The following KCNRG variants were observed in gnomAD, a reference collection of about 807,000 sequenced individuals.
KCNRG encodes the protein potassium channel regulatory protein.
In KCNRG, 17 loss-of-function variants were observed where a neutral mutation model predicts 17.7. The ratio of observed to expected loss-of-function variants is 0.96; its 90% CI spans 0.66 to 1.44. KCNRG has a LOEUF of 1.44. Ranked by LOEUF, KCNRG falls within the 40% of genes most tolerant of loss-of-function variation. The pLI, the probability that KCNRG is intolerant of heterozygous loss-of-function variation, is 0.00. For missense variants in KCNRG, 311 were observed against 321.1 expected, an observed-to-expected ratio of 0.97 and a Z score of 0.24; for synonymous variants, 97 against 116.5, an observed-to-expected ratio of 0.83 and a Z score of 1.08.
chr13:50,016,202 G>C, intron 1 of KCNRG, 131 bp downstream of exon 1: 1 of 673,376 alleles, frequency 1.5e-6, no homozygotes, highest in Non-Finnish European at 2.5e-6. Flanking sequence ...GTAACCAGTG[G>C]AGTTGGGTAG....
At chr13:50,018,337 T>C (rs975160657) in intron 1 of KCNRG, 6 of 166,680 alleles carry the variant, frequency 3.6e-5, no homozygotes, top group Non-Finnish European at 7.3e-5. Context: ...AGATGTTCTG[T>C]AACATTTTTC....
chr13:50,017,878 C>T (rs1250580914), intron 1 of KCNRG: 2 of 167,002 alleles, frequency 1.2e-5, no homozygotes, highest in Non-Finnish European at 2.9e-5. Flanking sequence ...TAATTGGTGC[C>T]TAATTGTCTG....
chr13:50,019,395 A>G (rs1877003061), intron 1 of KCNRG, among the ~76,000 whole-genome samples: 1 of 152,172 alleles, frequency 6.6e-6, no homozygotes, highest in Non-Finnish European at 1.5e-5. Context: ...TGACAATAAA[A>G]TCTTGACATT....
chr13:50,020,550 T>C lies in KCNRG; in HGVS notation c.*96T>C. The stretch of plus-strand genomic sequence containing the variant: ...TAGCCAAATCTACACTCAGCCTAAC[T>C]CTTGGCTTCATCTGCTGCCATGCCG... On this transcript the variant is annotated 3_prime_UTR_variant, in exon 2 of 2. Coordinates refer to ENST00000312942, the MANE Select transcript of KCNRG (RefSeq NM_173605.2). 7.5e-7 allele frequency: 1 copy of C among 1,332,418 alleles called. No homozygotes were observed. The allele number at this position is 1,332,418 out of a possible 1,614,324, so 82.5% of individuals were successfully genotyped here. A position where few individuals can be genotyped will look rare whatever the true frequency, so the allele number is the denominator to read the frequency against.
At position 50,020,315 on chromosome 13, in the gene KCNRG, G is replaced by A. The variant is rs765720829; in HGVS notation, c.680G>A (p.Ser227Asn). ...TLLKEGFHLV[S>N]TRTVSSEDKT... ...TTAAAGGAAGGCTTTCATTTGGTCA[G>A]CACTAGAACAGTATCTTCTGAAGAC... is the stretch of plus-strand genomic sequence containing the variant. The change falls in exon 2 of 2, where the codon AGC becomes AAC. Residue 227 changes from serine to asparagine, a missense_variant. Ser to Asn is a conservative substitution (Grantham distance 46, BLOSUM62 1). Transcript: ENST00000312942. The A allele has an allele frequency of 6.2e-7, 1 of 1,613,948 alleles. No homozygotes were observed. The highest frequency in any genetic ancestry group is 2.2e-5 in the East Asian group (1 of 44,884).
rs1355481629 is a variant in KCNRG, at chr13:50,015,831, A to G, written c.338A>G (p.His113Arg). 3 of 1,613,998 alleles carry G rather than the reference A, an allele frequency of 1.9e-6. No individual in the cohort carries two copies. The highest frequency in any genetic ancestry group is 1.3e-5 in the African/African-American group (1 of 74,916). The change falls in exon 1 of 2, where the codon CAT becomes CGT. Residue 113 changes from histidine (H) to arginine (R), a missense_variant. Transcript: ENST00000312942. ...LQPRPALVEVHFLSRNTQAFF... is the reference protein window; with the variant it reads ...LQPRPALVEVRFLSRNTQAFF... The stretch of plus-strand genomic sequence containing the variant: ...CCAAGACCTGCTCTTGTGGAGGTAC[A>G]TTTCCTAAGCCGGAACACTCAAGCT...
rs745822756 is a variant in KCNRG at position 50,020,269 on chromosome 13, G to A, written c.634G>A (p.Gly212Ser). ...RKLANGTNVL[G>S]LLIDTLLKEG... Reference sequence around the variant, plus strand: ...ATTGGCCAACGGAACAAATGTCCTCGGCTTACTGATTGACACTTTATTAAA... The same window carrying A: ...ATTGGCCAACGGAACAAATGTCCTCAGCTTACTGATTGACACTTTATTAAA... Residue 212 changes from glycine to serine, a missense_variant, in exon 2 of 2, where the codon GGC becomes AGC. Transcript: ENST00000312942. 7 of 1,613,724 alleles carry A rather than the reference G, an allele frequency of 4.3e-6. No individual in the cohort carries two copies. The highest frequency in any genetic ancestry group is 1.1e-5 in the South Asian group (1 of 91,074).
intron 1 of KCNRG, chr13:50,018,811 CTT>C (rs1181523672): frequency 6.3e-6 from 1 of 159,558 alleles, no homozygotes; most frequent in Non-Finnish European, 1.4e-5. Flanking sequence ...GAGTTTCACT[CTT>C]GTTGCCCAGG....
chr13:50,020,162 G>T (rs1774965969), intron 1 of KCNRG, 52 bp from the exon 2 acceptor site: 1 of 1,567,842 alleles, frequency 6.4e-7, no homozygotes. Flanking sequence ...GTATAGTTTT[G>T]CTAGTTATTA....
At chr13:50,017,774 A>G (rs1051580333) in intron 1 of KCNRG, 5 of 167,048 alleles carry the variant, frequency 3.0e-5, no homozygotes, top group Admixed American at 6.5e-5. Context: ...TTGCCTAATT[A>G]GCAATCATTT....
chr13:50,019,205 C>T (rs989424833), intron 1 of KCNRG, among the ~76,000 whole-genome samples: 2 of 151,578 alleles, frequency 1.3e-5, no homozygotes, highest in African/African-American at 2.4e-5. Flanking sequence ...AGTGCAATGG[C>T]GCCATCTTGG....
At position 50,015,615 on chromosome 13, in the gene KCNRG, A is replaced by G. The variant is rs375378114; in HGVS notation, c.122A>G (p.Glu41Gly). 18 of 1,614,112 alleles carry G rather than the reference A, an allele frequency of 1.1e-5. No homozygotes were observed. Among genetic ancestry groups the G allele is most frequent in the Non-Finnish European group, 1.5e-5 (18 of 1,179,960 alleles). The change falls in exon 1 of 2, where the codon GAA (glutamate) becomes GGA (glycine). Residue 41 changes from glutamate (E) to glycine (G), a missense_variant. By Grantham distance (98) the Glu-to-Gly change is moderately conservative. Transcript: ENST00000312942. ...LARMLDGRDQEFKMVGGQIFV... is the reference protein window; with the variant it reads ...LARMLDGRDQGFKMVGGQIFV... The stretch of plus-strand genomic sequence containing the variant: ...CGCATGTTAGATGGCAGAGACCAAG[A>G]ATTCAAGATGGTTGGTGGCCAGATT...
chr13:50,016,863 CTT>C (rs34862097), intron 1 of KCNRG: 2,232 of 148,938 alleles, frequency 0.015, 1 homozygote, highest in Middle Eastern at 0.011. Flanking sequence ...TTAAAATATA[CTT>C]TTTTTTTTTT....
At position 50,015,560 on chromosome 13, in the gene KCNRG, A is replaced by T. The variant is rs1392499025; in HGVS notation, c.67A>T (p.Ile23Leu). The change falls in exon 1 of 2, where the codon ATA (isoleucine) becomes TTA (leucine). Residue 23 changes from isoleucine to leucine, a missense_variant. Coordinates refer to ENST00000312942, the MANE Select transcript of KCNRG (RefSeq NM_173605.2). ...GATATTCACGACAAGGTTTTCTACG[A>T]TAAAGCAGTTTCCTGCTTCTCGTTT... ...GKIFTTRFST[I>L]KQFPASRLAR... The T allele has an allele frequency of 6.2e-7, 1 of 1,614,014 alleles. No individual in the cohort carries two copies. The highest frequency in any genetic ancestry group is 1.7e-5 in the Admixed American group (1 of 60,002).
intron 1 of KCNRG, among the ~76,000 whole-genome samples, chr13:50,019,960 C>T (rs188522204): frequency 6.6e-6 from 1 of 151,778 alleles, no homozygotes; most frequent in African/African-American, 2.4e-5. Context: ...ATAGCCTAAA[C>T]CTGGGAGGCA....
chr13:50,015,874 C>A lies in KCNRG; in HGVS notation c.381C>A (p.Gly127=), dbSNP rs746284967. Residue 127 remains glycine (G), a synonymous_variant, in exon 1 of 2, where the codon GGC becomes GGA. Transcript: ENST00000312942. ...CTCAAGCTTTTTTCAGGGTGTTTGG[C>A]TCTTGCAGCAAAACAATTGAGATGC... ...RNTQAFFRVF[G]SCSKTIEMLT... 1 of 1,614,140 alleles carries A rather than the reference C, an allele frequency of 6.2e-7. No individual in the cohort carries two copies. The highest frequency in any genetic ancestry group is 2.2e-5 in the East Asian group (1 of 44,886).
At chr13:50,018,557 C>G (rs1383039274) in intron 1 of KCNRG, 1 of 154,134 alleles carries the variant, frequency 6.5e-6, no homozygotes, top group Non-Finnish European at 1.5e-5. Flanking sequence ...CACTCTACTT[C>G]AAGCATGATC....
In KCNRG at chr13:50,020,529, C is replaced by T. The variant is rs953851007; in HGVS notation, c.*75C>T. ...ACGTATTTAGGGCATACATGTTAGC[C>T]AAATCTACACTCAGCCTAACTCTTG... On this transcript the variant is annotated 3_prime_UTR_variant, in exon 2 of 2. Transcript: ENST00000312942. 2.8e-6 allele frequency: 4 copies of T among 1,444,680 alleles called. No individual in the cohort carries two copies. The highest frequency in any genetic ancestry group is 2.8e-5 in the African/African-American group (2 of 70,580). 89.5% of individuals were successfully genotyped at this position (1,444,680 alleles called of 1,614,324 possible).
Position 50,015,571 on chromosome 13 carries a change from T to A in KCNRG, c.78T>A (p.Phe26Leu). The A allele has an allele frequency of 1.2e-6, 2 of 1,614,094 alleles. No individual in the cohort carries two copies. The highest frequency in any genetic ancestry group is 2.2e-5 in the South Asian group (2 of 91,080). The change falls in exon 1 of 2, where the codon TTT becomes TTA. Residue 26 changes from phenylalanine (F) to leucine (L), a missense_variant. By Grantham distance (22) the Phe-to-Leu change is conservative. Transcript: ENST00000312942. ...CAAGGTTTTCTACGATAAAGCAGTT[T>A]CCTGCTTCTCGTTTGGCACGCATGT... ...FTTRFSTIKQ[F>L]PASRLARMLD...
Sources: gnomAD v4.1 joint callset for allele counts (sites outside exome capture counted in the v4.1 genomes callset) on GRCh38, gnomAD v4.1.1 for gene constraint, MANE v1.5 for transcripts, NCBI Gene and HGNC (gene_info 2026-07-23, HGNC 2026-07-21) for gene names.